The following EIF4G2 variants were observed in gnomAD, a reference collection of about 807,000 sequenced individuals.
EIF4G2 encodes eukaryotic translation initiation factor 4 gamma 2, also known as DAP-5.
A neutral mutation model predicts 117.7 loss-of-function variants in EIF4G2; 8 were observed. That is an observed-to-expected ratio of 0.07 (90% CI 0.04 to 0.12). The LOEUF is 0.12. EIF4G2 is among the 10% of genes least tolerant of loss of function. The pLI is 1.00. For synonymous variants in EIF4G2, 413 were observed against 367.8 expected (o/e 1.12, Z -1.41); for missense variants, 812 against 1,086.2 (o/e 0.75, Z 3.55).
chr11:10,808,272 C>G (rs532826970), intron 1 of EIF4G2: 1 of 1,215,168 alleles, frequency 8.2e-7, no homozygotes, highest in African/African-American at 1.7e-5. Context: ...CCAGGTCCTA[C>G]ACACCTCCCC....
chr11:10,808,056 AC>A (rs1847641065), intron 1 of EIF4G2: 3 of 1,043,024 alleles, frequency 2.9e-6, no homozygotes, highest in South Asian at 5.4e-5. Context: ...AGCTGAGGCC[AC>A]CCCCGCCAGC....
chr11:10,804,218 A>G lies in EIF4G2; in HGVS notation c.484-15T>C. The G allele has an allele frequency of 1.2e-6, 2 of 1,613,852 alleles. No individual in the cohort carries two copies. The highest frequency in any genetic ancestry group is 1.7e-6 in the Non-Finnish European group (2 of 1,179,914). ...CGTCTGAATGTCTGGAAAAGAAGAC[A>G]TTGTCATGCTTTATTAAGGAAATTT... On this transcript the variant is annotated splice_polypyrimidine_tract_variant and intron_variant, in intron 6 of 21. Coordinates refer to ENST00000339995, the MANE Select transcript of EIF4G2 (RefSeq NM_001418.4).
chr11:10,802,990 ACAG>A (rs770245852), intron 11 of EIF4G2, 37 bp downstream of exon 11: 10 of 1,583,204 alleles, frequency 6.3e-6, no homozygotes, highest in South Asian at 1.1e-5. Flanking sequence ...TTCTACACAC[ACAG>A]AGTCTATGTG....
rs1320666742 is a variant in EIF4G2 at position 10,800,633 on chromosome 11, A to G, written c.1659T>C (p.Thr553=). Residue 553 remains threonine (T), a synonymous_variant, in exon 17 of 22, where the codon ACT becomes ACC. Coordinates refer to ENST00000339995, the MANE Select transcript of EIF4G2 (RefSeq NM_001418.4). ...TTGCATTTCCACTATTTAGATATTCAGTCACAACAGTTTCCTGTGAAGAAC... is the reference window on the plus strand; with the variant it reads ...TTGCATTTCCACTATTTAGATATTCGGTCACAACAGTTTCCTGTGAAGAAC... 4.3e-6 allele frequency: 7 copies of G among 1,614,188 alleles called. No individual in the cohort carries two copies. Among genetic ancestry groups the G allele is most frequent in the East Asian group, 4.5e-5 (2 of 44,870 alleles).
intron 17 of EIF4G2, 38 bp downstream of exon 17, chr11:10,800,394 G>T (rs747095048): frequency 2.5e-6 from 4 of 1,612,924 alleles, no homozygotes; most frequent in Admixed American, 1.7e-5. Flanking sequence ...AATTTGAGTG[G>T]TAAGAGTTCT....
Position 10,802,397 on chromosome 11 carries a change from C to A in EIF4G2, c.1035G>T (p.Gly345=). Reference sequence around the variant, plus strand: ...CCTCCAGAAAGAAGTCACTTCTCATCCCTTGAGCCATAGGAGCAGGAATAA... The same window carrying A: ...CCTCCAGAAAGAAGTCACTTCTCATACCTTGAGCCATAGGAGCAGGAATAA... The change falls in exon 12 of 22, where the codon GGG becomes GGT. Residue 345 remains glycine (G), a synonymous_variant. Transcript: ENST00000339995. 1.9e-6 allele frequency: 3 copies of A among 1,612,866 alleles called. No individual in the cohort carries two copies. Among genetic ancestry groups the A allele is most frequent in the Non-Finnish European group, 2.5e-6 (3 of 1,179,642 alleles).
chr11:10,801,532 T>C (rs10840492), intron 14 of EIF4G2, 129 bp downstream of exon 14: 505,111 of 888,008 alleles, frequency 0.57, 150,095 homozygotes, highest in South Asian at 0.7. Flanking sequence ...AAAAGAAGTA[T>C]AGAAAAGAGA....
intron 14 of EIF4G2, 199 bp downstream of exon 14, chr11:10,801,462 G>A (rs765966226): frequency 1.4e-6 from 1 of 729,224 alleles, no homozygotes; most frequent in South Asian, 1.5e-5. Context: ...CAGACTTTAG[G>A]AGACTTGCCC....
At chr11:10,801,422 A>G (rs369384911) in intron 14 of EIF4G2, 8 of 665,030 alleles carry the variant, frequency 1.2e-5, no homozygotes, top group East Asian at 8.1e-5. Flanking sequence ...AGAAACCACA[A>G]TATTTTGACA....
chr11:10,804,249 G>C, intron 6 of EIF4G2, 38 bp downstream of exon 6: 4 of 1,612,972 alleles, frequency 2.5e-6, no homozygotes, highest in Non-Finnish European at 3.4e-6. Flanking sequence ...AATTTTTCAA[G>C]TCAACTTTAA....
chr11:10,807,582 G>C (rs981519915), intron 1 of EIF4G2: 1 of 1,224,052 alleles, frequency 8.2e-7, no homozygotes, highest in Non-Finnish European at 1.0e-6. Flanking sequence ...GATGCAAAGA[G>C]ACTTCGTAGA....
At chr11:10,804,532 G>A in intron 5 of EIF4G2, 114 bp from the exon 6 acceptor site, 2 of 1,345,100 alleles carry the variant, frequency 1.5e-6, no homozygotes, top group Non-Finnish European at 2.0e-6. Flanking sequence ...AAAATGTCCA[G>A]TTATACAGAT....
intron 5 of EIF4G2, 152 bp from the exon 6 acceptor site, chr11:10,804,570 A>T (rs755865126): frequency 1.0e-6 from 1 of 995,260 alleles, no homozygotes; most frequent in African/African-American, 1.6e-5. Flanking sequence ...ATCTCCTGGG[A>T]GTCAGAAAAT....
rs1364180035 is a variant in EIF4G2 at position 10,797,388 on chromosome 11, A to G, written c.*428T>C. ...CAACAACCATCAATTACAGTTAAGAATTTTTCTGTAACAACCAAATGGATA... is the reference window on the plus strand; with the variant it reads ...CAACAACCATCAATTACAGTTAAGAGTTTTTCTGTAACAACCAAATGGATA... On this transcript the variant is annotated 3_prime_UTR_variant, in exon 22 of 22. Coordinates refer to ENST00000339995, the MANE Select transcript of EIF4G2 (RefSeq NM_001418.4). This position sits in a 1 kb window ranked among gnomAD's most constrained non-coding sequence, Gnocchi z 4.5. The G allele has an allele frequency of 1.2e-5, 2 of 160,484 alleles. No individual in the cohort carries two copies. The highest frequency in any genetic ancestry group is 2.7e-5 in the Non-Finnish European group (2 of 73,112). The allele number at this position is 160,484 out of a possible 1,614,324, so 9.9% of individuals were successfully genotyped here. A position where few individuals can be genotyped will look rare whatever the true frequency, so the allele number is the denominator to read the frequency against.
chr11:10,799,279 C>G lies in EIF4G2; in HGVS notation c.2470G>C (p.Val824Leu). Residue 824 changes from valine (V) to leucine (L), a missense_variant, in exon 20 of 22, where the codon GTT becomes CTT. Around this residue, in one of 4 missense-constraint regions of EIF4G2, gnomAD observed 571 missense variants for 642.3 expected, o/e 0.89. Coordinates refer to ENST00000339995, the MANE Select transcript of EIF4G2 (RefSeq NM_001418.4). ...TACAGGGCACTGACTTGTAGATCAA[C>G]GTGATCATGAAGAAATTTCTGCATT... 1 of 1,614,136 alleles carries G rather than the reference C, an allele frequency of 6.2e-7. No homozygotes were observed. The highest frequency in any genetic ancestry group is 1.1e-5 in the South Asian group (1 of 91,082).
Position 10,803,135 on chromosome 11 carries a change from T to C in EIF4G2, c.898-7A>G. On this transcript the variant is annotated splice_polypyrimidine_tract_variant and splice_region_variant and intron_variant, in intron 10 of 21. Coordinates refer to ENST00000339995, the MANE Select transcript of EIF4G2 (RefSeq NM_001418.4). The surrounding 1 kb of genome is among the most constrained non-coding windows in gnomAD (Gnocchi z 4.0). Reference sequence around the variant, plus strand: ...CTCGCAACTCTACGGTATCCTTTAATTGAAAAATAATTTTATTTTAATATT... The same window carrying C: ...CTCGCAACTCTACGGTATCCTTTAACTGAAAAATAATTTTATTTTAATATT... The C allele has an allele frequency of 6.2e-7, 1 of 1,604,352 alleles. No homozygotes were observed. Among genetic ancestry groups the C allele is most frequent in the Non-Finnish European group, 8.5e-7 (1 of 1,176,864 alleles).
intron 1 of EIF4G2, chr11:10,807,739 T>C (rs1564986168): frequency 2.0e-6 from 2 of 992,618 alleles, no homozygotes; most frequent in Non-Finnish European, 2.4e-6. Flanking sequence ...TAGGAATTTT[T>C]ACTGCCTTGA....
chr11:10,802,480 T>A, intron 11 of EIF4G2, 45 bp from the exon 12 acceptor site: 1 of 1,496,126 alleles, frequency 6.7e-7, no homozygotes, highest in Non-Finnish European at 8.9e-7. Flanking sequence ...CTGGACACTA[T>A]TTCACTTAAA....
intron 1 of EIF4G2, chr11:10,807,838 G>A: frequency 1.0e-6 from 1 of 990,276 alleles, no homozygotes; most frequent in Non-Finnish European, 1.2e-6. Flanking sequence ...TGGAGAGCTC[G>A]TGGAAAGACG....
Sources: allele counts gnomAD v4.1 joint callset, GRCh38; gene constraint gnomAD v4.1.1; regional missense constraint gnomAD v4.1.1; non-coding constraint Gnocchi (gnomAD v3.1); transcripts MANE v1.5; gene names NCBI Gene and HGNC (gene_info 2026-07-23, HGNC 2026-07-21).